YTHDC1: variants seen among roughly 807,000 people sequenced by gnomAD.
YTHDC1 encodes YTH N6-methyladenosine RNA binding protein C1, also known as YTH domain-containing protein 1.
Under a neutral mutation model 107.0 loss-of-function variants are expected in YTHDC1, and 12 were observed. The ratio of observed to expected loss-of-function variants is 0.11; its 90% confidence interval spans 0.07 to 0.18. The LOEUF is 0.18. Among genes scored for constraint, YTHDC1 ranks in the 10% least tolerant of loss-of-function variants. YTHDC1 has a pLI of 1.00. For synonymous variants in YTHDC1, 280 were observed against 289.5 expected (o/e 0.97, Z 0.33); for missense variants, 635 against 898.8 (o/e 0.71, Z 3.75).
At chr4:68,314,792 A>C (rs1021069544) in intron 16 of YTHDC1, among the ~76,000 whole-genome samples, 4 of 152,144 alleles carry the variant, frequency 2.6e-5, no homozygotes, top group Non-Finnish European at 4.4e-5. Context: ...TATGTTCCAG[A>C]TTTTCTTTCA....
intron 10 of YTHDC1, among the ~76,000 whole-genome samples, chr4:68,323,856 G>C (rs1271301254): frequency 6.6e-6 from 1 of 152,170 alleles, no homozygotes; most frequent in Non-Finnish European, 1.5e-5. Flanking sequence ...CTGTTAAACA[G>C]TGATAATATA....
At chr4:68,333,547 G>T in intron 4 of YTHDC1, 150 bp from the exon 5 acceptor site, 2 of 514,134 alleles carry the variant, frequency 3.9e-6, no homozygotes, top group Non-Finnish European at 6.9e-6. Flanking sequence ...TCCTCAGAAT[G>T]TTTTATTTTA....
intron 15 of YTHDC1, among the ~76,000 whole-genome samples, chr4:68,318,089 T>C (rs1228911239): frequency 2.0e-5 from 3 of 152,208 alleles, no homozygotes; most frequent in Non-Finnish European, 4.4e-5. Context: ...TTATTTATCA[T>C]CAAAAATCTG....
chr4:68,327,384 T>C (rs772786773), intron 9 of YTHDC1, among the ~76,000 whole-genome samples: 22 of 151,388 alleles, frequency 1.5e-4, no homozygotes, highest in Non-Finnish European at 2.4e-4. Context: ...TTTGAGCTAA[T>C]TACAGGTGGC....
At chr4:68,333,886 C>T (rs1197604720) in intron 4 of YTHDC1, among the ~76,000 whole-genome samples, 2 of 152,018 alleles carry the variant, frequency 1.3e-5, no homozygotes, top group East Asian at 3.9e-4. Flanking sequence ...ATATATATAC[C>T]ATAATTAGTG....
In YTHDC1 at chr4:68,314,018, A is replaced by C; in HGVS notation, c.*81T>G. 1 of 1,405,430 alleles carries C rather than the reference A, an allele frequency of 7.1e-7. No individual in the cohort carries two copies. Among genetic ancestry groups the C allele is most frequent in the South Asian group, 1.3e-5 (1 of 77,528 alleles). The allele number at this position is 1,405,430 out of a possible 1,614,324, so 87.1% of individuals were successfully genotyped here. A position where few individuals can be genotyped will look rare whatever the true frequency, so the allele number is the denominator to read the frequency against. ...CTTCATAGGCAGACAGCTGAAAATA[A>C]ATTTACTACTTGTAAACACACACAA... is the stretch of plus-strand genomic sequence containing the variant. On this transcript the variant is annotated 3_prime_UTR_variant, in exon 17 of 17. Coordinates refer to ENST00000344157, the MANE Select transcript of YTHDC1 (RefSeq NM_001031732.4).
At chr4:68,316,902 G>GT (rs1409824818) in intron 15 of YTHDC1, among the ~76,000 whole-genome samples, 2 of 152,190 alleles carry the variant, frequency 1.3e-5, no homozygotes, top group Non-Finnish European at 2.9e-5. Flanking sequence ...TCTGCAGTTG[G>GT]TAAACTGGTT....
At position 68,314,021 on chromosome 4, in the gene YTHDC1, T is replaced by G; in HGVS notation, c.*78A>C. On this transcript the variant is annotated 3_prime_UTR_variant, in exon 17 of 17. Coordinates refer to ENST00000344157, the MANE Select transcript of YTHDC1 (RefSeq NM_001031732.4). ...CATAGGCAGACAGCTGAAAATAAAT[T>G]TACTACTTGTAAACACACACAAAAA... 1 of 1,422,692 alleles carries G rather than the reference T, an allele frequency of 7.0e-7. No individual in the cohort carries two copies. The highest frequency in any genetic ancestry group is 9.7e-7 in the Non-Finnish European group (1 of 1,030,224). The allele number at this position is 1,422,692 out of a possible 1,614,324, so 88.1% of individuals were successfully genotyped here.
At chr4:68,331,963 T>G (rs1193689982) in intron 7 of YTHDC1, 140 bp downstream of exon 7, 9 of 461,940 alleles carry the variant, frequency 1.9e-5, no homozygotes. Flanking sequence ...TACAACCAGA[T>G]CCTAAGTGGC....
chr4:68,343,607 C>A (rs1416865015), intron 1 of YTHDC1, among the ~76,000 whole-genome samples: 1 of 145,394 alleles, frequency 6.9e-6, no homozygotes, highest in South Asian at 2.2e-4. Context: ...ATGATCTCAA[C>A]TCACTGCAAC....
intron 5 of YTHDC1, 47 bp from the exon 6 acceptor site, chr4:68,332,894 A>ATT (rs1723749908): frequency 6.6e-7 from 1 of 1,515,850 alleles, no homozygotes; most frequent in African/African-American, 1.4e-5. Flanking sequence ...TTTAATAGAG[A>ATT]TAAGACAAAA....
intron 9 of YTHDC1, among the ~76,000 whole-genome samples, chr4:68,324,557 G>A (rs1722778323): frequency 6.6e-6 from 1 of 152,176 alleles, no homozygotes; most frequent in African/African-American, 2.4e-5. Context: ...GTTTGCAAAT[G>A]AAATGACACA....
intron 1 of YTHDC1, 50 bp from the exon 2 acceptor site, chr4:68,338,434 T>C: frequency 7.0e-7 from 1 of 1,429,164 alleles, no homozygotes; most frequent in South Asian, 1.3e-5. Context: ...TCATTGAACA[T>C]GTATTTTTGA....
At chr4:68,344,014 A>G (rs1259133827) in intron 1 of YTHDC1, 1 of 152,170 alleles carries the variant, frequency 6.6e-6, no homozygotes, top group Non-Finnish European at 1.5e-5. Flanking sequence ...CACTTAAAAA[A>G]ATACTATTTG....
At chr4:68,316,598 C>T in intron 15 of YTHDC1, 150 bp from the exon 16 acceptor site, 2 of 872,074 alleles carry the variant, frequency 2.3e-6, no homozygotes, top group Non-Finnish European at 1.7e-6. Context: ...TCAAAATATG[C>T]TTTTTGTCGA....
At chr4:68,329,790 C>G (rs2109709721) in intron 9 of YTHDC1, among the ~76,000 whole-genome samples, 1 of 152,186 alleles carries the variant, frequency 6.6e-6, no homozygotes, top group South Asian at 2.1e-4. Context: ...AGCAACTGTC[C>G]AATTCATTTA....
At chr4:68,317,027 T>C (rs909026761) in intron 15 of YTHDC1, among the ~76,000 whole-genome samples, 7 of 152,162 alleles carry the variant, frequency 4.6e-5, no homozygotes, top group African/African-American at 1.4e-4. Flanking sequence ...AGCCAGGAGT[T>C]GGAGACCAGC....
intron 1 of YTHDC1, among the ~76,000 whole-genome samples, chr4:68,346,447 G>T (rs1349546078): frequency 6.6e-6 from 1 of 152,082 alleles, no homozygotes; most frequent in Non-Finnish European, 1.5e-5. Flanking sequence ...GCTTTTGAGG[G>T]TTTGTTACCC....
At chr4:68,316,291 C>A in intron 16 of YTHDC1, 23 bp downstream of exon 16, 1 of 1,602,984 alleles carries the variant, frequency 6.2e-7, no homozygotes, top group Non-Finnish European at 8.5e-7. Context: ...TTCCCTCACA[C>A]CTTTGCCTCC....
Sources: gnomAD v4.1 joint callset for allele counts (sites outside exome capture counted in the v4.1 genomes callset) on GRCh38, gnomAD v4.1.1 for gene constraint, MANE v1.5 for transcripts, NCBI Gene and HGNC (gene_info 2026-07-23, HGNC 2026-07-21) for gene names.